Variants in GLIS3 observed in about 807,000 individuals in gnomAD.
The protein encoded by GLIS3 is GLIS family zinc finger 3.
In GLIS3, 53 loss-of-function variants were observed where a neutral mutation model predicts 78.6. That is an observed-to-expected ratio of 0.67 (90% CI 0.54 to 0.85). The LOEUF (loss-of-function observed/expected upper bound fraction) is 0.85, where lower values mean the gene tolerates loss of function less well. GLIS3 is among the 40% of genes least tolerant of loss of function. The probability of loss-of-function intolerance (pLI) is 0.00; values close to 1 mark genes in which losing one functional copy is unlikely to be tolerated. For missense variants in GLIS3, 1,703 were observed against 1,231.1 expected (o/e 1.38, Z -5.74); for synonymous variants, 684 against 509.9 (o/e 1.34, Z -4.60).
intron 2 of GLIS3, among the ~76,000 whole-genome samples, chr9:4,193,544 G>A (rs1818521603): frequency 6.6e-6 from 1 of 152,170 alleles, no homozygotes; most frequent in African/African-American, 2.4e-5. Context: ...AATGACACAC[G>A]GCTTAACTAG....
chr9:4,392,333 C>G, the GLIS3 span, among the ~76,000 whole-genome samples: 1 of 152,128 alleles, frequency 6.6e-6, no homozygotes, highest in South Asian at 2.1e-4. Flanking sequence ...GTGCTGCAAA[C>G]CACCATGGCA....
At chr9:3,895,001 C>T (rs1417720756) in intron 7 of GLIS3, among the ~76,000 whole-genome samples, 5 of 152,128 alleles carry the variant, frequency 3.3e-5, no homozygotes, top group Admixed American at 6.5e-5. Flanking sequence ...AGTACAGCTT[C>T]GGTTTGAAAG....
chr9:4,327,219 T>C (rs1375269580), intron 2 of GLIS3, among the ~76,000 whole-genome samples: 1 of 152,028 alleles, frequency 6.6e-6, no homozygotes, highest in Admixed American at 6.6e-5. Flanking sequence ...TTCAAGGACC[T>C]GAACAAAAAG....
chr9:4,043,798 A>C (rs1825025779), intron 4 of GLIS3, among the ~76,000 whole-genome samples: 1 of 152,184 alleles, frequency 6.6e-6, no homozygotes, highest in Non-Finnish European at 1.5e-5. Flanking sequence ...CACAAAAGAG[A>C]GAAGAGTAAT....
At chr9:4,363,365 G>A in the GLIS3 span, among the ~76,000 whole-genome samples, 6 of 152,218 alleles carry the variant, frequency 3.9e-5, no homozygotes, top group African/African-American at 1.4e-4. Flanking sequence ...AGAGGTTGCA[G>A]TGAGCTGAGA....
chr9:4,093,614 A>G (rs1039610313), intron 4 of GLIS3, among the ~76,000 whole-genome samples: 2 of 152,150 alleles, frequency 1.3e-5, no homozygotes, highest in Admixed American at 6.5e-5. Context: ...TAGTGGTATG[A>G]TAAGGGGCTA....
At chr9:3,863,472 A>C (rs1820367369) in intron 8 of GLIS3, among the ~76,000 whole-genome samples, 1 of 152,236 alleles carries the variant, frequency 6.6e-6, no homozygotes, top group South Asian at 2.1e-4. Flanking sequence ...TGTCCGTCTG[A>C]GGACTCTGTC....
intron 2 of GLIS3, among the ~76,000 whole-genome samples, chr9:4,134,397 T>A (rs1380015846): frequency 6.6e-6 from 1 of 152,196 alleles, no homozygotes; most frequent in Admixed American, 6.5e-5. Flanking sequence ...CAGATGCTAT[T>A]GGAAAATATT....
At chr9:4,272,861 C>T (rs545804170) in intron 2 of GLIS3, among the ~76,000 whole-genome samples, 24 of 152,270 alleles carry the variant, frequency 1.6e-4, no homozygotes, top group African/African-American at 5.5e-4. Context: ...CAGGATAGTC[C>T]TATGCGTAAT....
chr9:4,482,502 G>A, the GLIS3 span, among the ~76,000 whole-genome samples: 3 of 152,320 alleles, frequency 2.0e-5, no homozygotes, highest in Non-Finnish European at 4.4e-5. Flanking sequence ...GAAAATCCAT[G>A]CAGCTGAGAT....
the GLIS3 span, among the ~76,000 whole-genome samples, chr9:4,450,672 A>G: frequency 1.3e-5 from 2 of 152,178 alleles, no homozygotes; most frequent in Admixed American, 6.5e-5. Flanking sequence ...CTACAAGCCA[A>G]AAGAGAGTGG....
chr9:4,103,556 C>T (rs1434087980), intron 4 of GLIS3, among the ~76,000 whole-genome samples: 3 of 152,176 alleles, frequency 2.0e-5, no homozygotes, highest in Non-Finnish European at 4.4e-5. Context: ...CCTCTCAACA[C>T]ACAATGACCA....
At chr9:4,477,476 G>T in the GLIS3 span, among the ~76,000 whole-genome samples, 9 of 152,148 alleles carry the variant, frequency 5.9e-5, no homozygotes, top group East Asian at 1.2e-3. Context: ...ATGCAATGGC[G>T]TGATCACGGC....
intron 4 of GLIS3, among the ~76,000 whole-genome samples, chr9:4,094,877 A>AT (rs1015593553): frequency 1.3e-5 from 2 of 151,232 alleles, no homozygotes; most frequent in African/African-American, 4.8e-5. Context: ...CAAATGAAGT[A>AT]TTTTTAATTG....
At position 3,934,053 on chromosome 9, in the gene GLIS3, T is replaced by C. The variant is rs186459532; in HGVS notation, c.1873-1583A>G. 1.4e-4 allele frequency among the ~76,000 whole-genome samples: 21 copies of C among 152,328 alleles called. 1 individual carries two copies. The highest frequency in any genetic ancestry group is 5.1e-4 in the African/African-American group (21 of 41,584). ...AGACTAGGGATCTAAAAGTGAACAA[T>C]GGATAAACCAGGTTCTCGATACCTC... is the stretch of plus-strand genomic sequence containing the variant. On this transcript the variant is annotated intron_variant, in intron 5 of 10. Transcript: ENST00000381971.
the GLIS3 span, among the ~76,000 whole-genome samples, chr9:4,444,916 C>G: frequency 1.3e-5 from 2 of 152,192 alleles, no homozygotes; most frequent in East Asian, 3.8e-4. Flanking sequence ...CCTAAGATGT[C>G]AAAACATCTC....
intron 2 of GLIS3, among the ~76,000 whole-genome samples, chr9:4,282,626 G>C (rs779972930): frequency 7.9e-5 from 12 of 152,074 alleles, no homozygotes; most frequent in Non-Finnish European, 1.8e-4. Context: ...TTCAGACTCA[G>C]ACTGCAATGA....
the GLIS3 span, among the ~76,000 whole-genome samples, chr9:4,426,656 C>G: frequency 6.6e-6 from 1 of 152,222 alleles, no homozygotes; most frequent in Non-Finnish European, 1.5e-5. Context: ...ATTTGGGCAA[C>G]CATATAGCAA....
chr9:4,486,690 C>A, the GLIS3 span, among the ~76,000 whole-genome samples: 1 of 152,058 alleles, frequency 6.6e-6, no homozygotes, highest in Non-Finnish European at 1.5e-5. Flanking sequence ...TTGGTCCTCC[C>A]AGTGTGAAAG....
Sources: gnomAD v4.1 joint callset for allele counts (sites outside exome capture counted in the v4.1 genomes callset) on GRCh38, gnomAD v4.1.1 for gene constraint, MANE v1.5 for transcripts, NCBI Gene and HGNC (gene_info 2026-07-23, HGNC 2026-07-21) for gene names.